Variants in PTPRA observed in about 807,000 individuals in gnomAD.
The protein encoded by PTPRA is protein tyrosine phosphatase receptor type A.
Under a neutral mutation model 104.8 loss-of-function variants are expected in PTPRA, and 25 were observed. The ratio of observed to expected loss-of-function variants is 0.24; its 90% CI spans 0.17 to 0.33. PTPRA has a LOEUF of 0.33. PTPRA is among the 10% of genes least tolerant of loss of function. The probability of loss-of-function intolerance (pLI) is 1.00; values close to 1 mark genes in which losing one functional copy is unlikely to be tolerated. For synonymous variants in PTPRA, 323 were observed against 368.9 expected, an observed-to-expected ratio of 0.88 and a Z score of 1.43; for missense variants, 765 against 1,015.3, an observed-to-expected ratio of 0.75 and a Z score of 3.35.
At chr20:2,956,580 A>G (rs1189912482) in intron 3 of PTPRA, among the ~76,000 whole-genome samples, 1 of 151,768 alleles carries the variant, frequency 6.6e-6, no homozygotes, top group Non-Finnish European at 1.5e-5. Context: ...TTGGCCAATT[A>G]CTCTTTATCC....
chr20:2,896,038 T>C (rs1235085446), intron 1 of PTPRA, among the ~76,000 whole-genome samples: 1 of 152,164 alleles, frequency 6.6e-6, no homozygotes, highest in Non-Finnish European at 1.5e-5. Context: ...TTTCTAGTTA[T>C]CTTTTTGTAA....
chr20:2,962,819 T>C (rs1451718466), intron 3 of PTPRA, among the ~76,000 whole-genome samples: 1 of 152,174 alleles, frequency 6.6e-6, no homozygotes, highest in East Asian at 1.9e-4. Flanking sequence ...CGGCTGCTGG[T>C]ACCAGGGGCA....
At chr20:2,883,042 T>A (rs537839915) in intron 1 of PTPRA, among the ~76,000 whole-genome samples, 24 of 148,094 alleles carry the variant, frequency 1.6e-4, no homozygotes, top group African/African-American at 6.0e-4. Flanking sequence ...TGGAGCGCAG[T>A]GGCATGATCA....
chr20:2,907,844 C>T (rs570814608), intron 1 of PTPRA, among the ~76,000 whole-genome samples: 13 of 151,872 alleles, frequency 8.6e-5, no homozygotes, highest in African/African-American at 1.4e-4. Flanking sequence ...TGATCTTGCT[C>T]CTAATATTTT....
chr20:2,882,672 G>A (rs2090126600), intron 1 of PTPRA, among the ~76,000 whole-genome samples: 1 of 152,074 alleles, frequency 6.6e-6, no homozygotes, highest in Non-Finnish European at 1.5e-5. Context: ...GAAGAAAGTT[G>A]TACTGGAGAA....
At chr20:2,949,224 A>G (rs1013257122) in intron 3 of PTPRA, among the ~76,000 whole-genome samples, 2 of 152,146 alleles carry the variant, frequency 1.3e-5, no homozygotes, top group Non-Finnish European at 1.5e-5. Context: ...TTGCTAGGGT[A>G]TAAAAATTAC....
intron 12 of PTPRA, among the ~76,000 whole-genome samples, chr20:3,016,769 T>C (rs1456738008): frequency 6.6e-6 from 1 of 152,178 alleles, no homozygotes; most frequent in East Asian, 1.9e-4. Flanking sequence ...GACTACAAGA[T>C]TTATAAAAAC....
intron 1 of PTPRA, among the ~76,000 whole-genome samples, chr20:2,910,431 G>A (rs1327744473): frequency 2.5e-4 from 8 of 32,274 alleles, no homozygotes; most frequent in East Asian, 1.6e-3. Flanking sequence ...TATATAAAAT[G>A]TATATTATAT....
chr20:3,013,649 G>T (rs1442070205), intron 11 of PTPRA, among the ~76,000 whole-genome samples: 1 of 152,038 alleles, frequency 6.6e-6, no homozygotes, highest in East Asian at 1.9e-4. Context: ...TACCTCAGGT[G>T]ATCTGCCCAC....
At chr20:2,964,728 G>T in intron 4 of PTPRA, 133 bp from the exon 5 acceptor site, 1 of 735,600 alleles carries the variant, frequency 1.4e-6, no homozygotes. Flanking sequence ...GGGGGTGGGT[G>T]GTGTTGAGGG....
chr20:2,954,615 G>T (rs2061471659), intron 3 of PTPRA, among the ~76,000 whole-genome samples: 1 of 152,206 alleles, frequency 6.6e-6, no homozygotes, highest in South Asian at 2.1e-4. Context: ...TATTGGATAT[G>T]TGATTGGCAT....
chr20:3,025,366 T>C (rs1358254930), intron 17 of PTPRA, among the ~76,000 whole-genome samples: 1 of 150,348 alleles, frequency 6.7e-6, no homozygotes, highest in African/African-American at 2.5e-5. Context: ...GGCGAGAGAA[T>C]TGCTTGAACC....
chr20:2,968,704 G>A (rs1013319402), intron 5 of PTPRA, among the ~76,000 whole-genome samples: 2 of 150,638 alleles, frequency 1.3e-5, no homozygotes, highest in African/African-American at 4.9e-5. Context: ...GCTTAAGCCC[G>A]GGAGTTTGAG....
intron 2 of PTPRA, among the ~76,000 whole-genome samples, chr20:2,932,361 A>C (rs1041789837): frequency 6.6e-6 from 1 of 152,222 alleles, no homozygotes; most frequent in Admixed American, 6.5e-5. Context: ...TACATCTTAT[A>C]CAAGTTTAGT....
At chr20:2,992,682 T>C (rs1164498892) in intron 9 of PTPRA, among the ~76,000 whole-genome samples, 2 of 151,970 alleles carry the variant, frequency 1.3e-5, no homozygotes, top group South Asian at 2.1e-4. Context: ...TATCCAAATA[T>C]TACGATTCTT....
intron 1 of PTPRA, among the ~76,000 whole-genome samples, chr20:2,883,148 C>G (rs928569356): frequency 1.3e-5 from 2 of 151,926 alleles, no homozygotes; most frequent in Admixed American, 1.3e-4. Context: ...CCATGCCCAG[C>G]TAATTTTGCA....
intron 6 of PTPRA, among the ~76,000 whole-genome samples, chr20:2,982,333 C>T (rs2062712127): frequency 6.6e-6 from 1 of 152,006 alleles, no homozygotes; most frequent in Non-Finnish European, 1.5e-5. Context: ...GTGATCCACC[C>T]GCCTCGGCCT....
intron 9 of PTPRA, among the ~76,000 whole-genome samples, chr20:2,995,475 C>T (rs1170339860): frequency 1.3e-5 from 2 of 152,168 alleles, no homozygotes; most frequent in African/African-American, 2.4e-5. Flanking sequence ...GTTATGCTTG[C>T]ATTCTGGTAA....
intron 13 of PTPRA, among the ~76,000 whole-genome samples, chr20:3,018,762 G>C (rs1390242693): frequency 2.1e-5 from 3 of 142,604 alleles, no homozygotes; most frequent in South Asian, 2.2e-4. Flanking sequence ...ACGGGGTGGT[G>C]GCCGGGCAGA....
Sources: gnomAD v4.1 joint callset for allele counts (sites outside exome capture counted in the v4.1 genomes callset) on GRCh38, gnomAD v4.1.1 for gene constraint, MANE v1.5 for transcripts, NCBI Gene and HGNC (gene_info 2026-07-23, HGNC 2026-07-21) for gene names.